AMPH: variants seen among roughly 807,000 people sequenced by gnomAD.
AMPH encodes amphiphysin (Stiff-Mann syndrome with breast cancer 128kD autoantigen).
AMPH carries 49 observed loss-of-function variants against 99.1 expected under a neutral mutation model. The ratio of observed to expected loss-of-function variants is 0.49; its 90% CI spans 0.39 to 0.63. The LOEUF is 0.63. Among genes scored for constraint, AMPH ranks in the 20% least tolerant of loss-of-function variants. The pLI is 0.00. For synonymous variants in AMPH, 314 were observed against 317.3 expected, an observed-to-expected ratio of 0.99 and a Z score of 0.11; for missense variants, 759 against 863.4, an observed-to-expected ratio of 0.88 and a Z score of 1.52.
chr7:38,457,841 TTTTAA>T (rs1787292036), intron 11 of AMPH, among the ~76,000 whole-genome samples: 3 of 152,244 alleles, frequency 2.0e-5, no homozygotes, highest in African/African-American at 7.2e-5. Context: ...TCAGTTTATC[TTTTAA>T]TTTAATCTGT....
intron 1 of AMPH, among the ~76,000 whole-genome samples, chr7:38,583,301 C>T (rs1369929788): frequency 6.6e-6 from 1 of 152,178 alleles, no homozygotes; most frequent in African/African-American, 2.4e-5. Context: ...TTCAATCTTT[C>T]AAGTAGAGAT....
At chr7:38,481,958 A>G (rs1277838882) in intron 5 of AMPH, among the ~76,000 whole-genome samples, 1 of 152,156 alleles carries the variant, frequency 6.6e-6, no homozygotes, top group African/African-American at 2.4e-5. Context: ...GATGGAGTCT[A>G]TATCTACTTC....
At chr7:38,582,229 G>A (rs1792493839) in intron 1 of AMPH, among the ~76,000 whole-genome samples, 1 of 152,176 alleles carries the variant, frequency 6.6e-6, no homozygotes, top group Non-Finnish European at 1.5e-5. Context: ...ATAGTTCAAG[G>A]ATGGGTAAAT....
intron 1 of AMPH, among the ~76,000 whole-genome samples, chr7:38,568,564 T>C (rs1043235055): frequency 1.2e-4 from 18 of 152,240 alleles, no homozygotes; most frequent in African/African-American, 4.3e-4. Context: ...TTATCACACA[T>C]GGCTGCTGAA....
intron 1 of AMPH, among the ~76,000 whole-genome samples, chr7:38,580,188 A>G (rs1453068728): frequency 6.6e-6 from 1 of 152,148 alleles, no homozygotes; most frequent in African/African-American, 2.4e-5. Flanking sequence ...TCTTCCTAAT[A>G]TTGGAGGCCA....
In AMPH at chr7:38,607,698, G is replaced by A. The variant is rs559488836; in HGVS notation, c.69+23585C>T. 1.6e-4 allele frequency among the ~76,000 whole-genome samples: 24 copies of A among 152,272 alleles called. No individual in the cohort carries two copies. The East Asian group carries it at 1.9e-3, about 12-fold the overall frequency. On this transcript the variant is annotated intron_variant, in intron 1 of 20. Transcript: ENST00000356264. ...TCTATGACTGCACAATAAAATGAAA[G>A]TGCAGGGGGTCCAGATGCTATAAGG...
chr7:38,589,407 T>A (rs762875333), intron 1 of AMPH, among the ~76,000 whole-genome samples: 2 of 152,210 alleles, frequency 1.3e-5, no homozygotes, highest in Non-Finnish European at 2.9e-5. Flanking sequence ...ATCTCAGGGT[T>A]GATGTGACTG....
At chr7:38,436,185 C>T in intron 12 of AMPH, 87 bp downstream of exon 12, 1 of 945,086 alleles carries the variant, frequency 1.1e-6, no homozygotes, top group Non-Finnish European at 1.7e-6. Flanking sequence ...AGATAGTAGT[C>T]ATGAAAGGTA....
chr7:38,386,818 T>C (rs887488550), intron 20 of AMPH, among the ~76,000 whole-genome samples: 1 of 152,170 alleles, frequency 6.6e-6, no homozygotes, highest in Non-Finnish European at 1.5e-5. Flanking sequence ...TTAGAAAGTA[T>C]TTGACCCTTG....
At chr7:38,448,336 T>C (rs1424820345) in intron 11 of AMPH, among the ~76,000 whole-genome samples, 1 of 152,246 alleles carries the variant, frequency 6.6e-6, no homozygotes, top group African/African-American at 2.4e-5. Context: ...TATTGTAGTA[T>C]ACTAGTCCTT....
intron 7 of AMPH, among the ~76,000 whole-genome samples, chr7:38,470,111 C>T (rs1178279011): frequency 6.6e-6 from 1 of 152,216 alleles, no homozygotes; most frequent in Admixed American, 6.5e-5. Context: ...GTCCTATCAA[C>T]ACCCTTCCTC....
At chr7:38,427,775 A>T (rs932285821) in intron 14 of AMPH, 5 of 390,356 alleles carry the variant, frequency 1.3e-5, no homozygotes, top group Admixed American at 3.0e-5. Flanking sequence ...GGTGACAGAC[A>T]TGAGGAAAAA....
chr7:38,467,107 C>A (rs1433853770), intron 7 of AMPH, among the ~76,000 whole-genome samples: 3 of 152,098 alleles, frequency 2.0e-5, no homozygotes, highest in African/African-American at 7.2e-5. Flanking sequence ...AGAAAATCCT[C>A]CACAGTGTGT....
At chr7:38,497,286 C>T (rs974602263) in intron 3 of AMPH, among the ~76,000 whole-genome samples, 6 of 152,024 alleles carry the variant, frequency 3.9e-5, no homozygotes, top group African/African-American at 1.4e-4. Context: ...AGAAAAGGTG[C>T]TAAATGCTAC....
intron 1 of AMPH, among the ~76,000 whole-genome samples, chr7:38,628,788 C>T (rs948883235): frequency 2.0e-5 from 3 of 152,120 alleles, no homozygotes; most frequent in Non-Finnish European, 4.4e-5. Context: ...ACATTTCAGC[C>T]TTGTGGTTTT....
At chr7:38,600,383 G>A (rs1313001733) in intron 1 of AMPH, among the ~76,000 whole-genome samples, 5 of 151,986 alleles carry the variant, frequency 3.3e-5, no homozygotes, top group Non-Finnish European at 7.4e-5. Context: ...GTATTTAATG[G>A]TGGAATCCTC....
chr7:38,417,966 T>G lies in AMPH; in HGVS notation c.1273-16A>C. On this transcript the variant is annotated splice_polypyrimidine_tract_variant and intron_variant, in intron 16 of 20. Transcript: ENST00000356264. ...CAGATTCAGCCTTGGAGTGTTTGTT[T>G]TGAGGGTTAGAGGAAAAAGATTCAA... 6.2e-7 allele frequency: 1 copy of G among 1,611,386 alleles called. No homozygotes were observed. The highest frequency in any genetic ancestry group is 8.5e-7 in the Non-Finnish European group (1 of 1,178,760).
chr7:38,418,647 T>C (rs1011625830), intron 16 of AMPH, among the ~76,000 whole-genome samples: 1 of 152,228 alleles, frequency 6.6e-6, no homozygotes, highest in Non-Finnish European at 1.5e-5. Context: ...TCCTGTTCAG[T>C]CCCTTTTTCC....
chr7:38,601,846 A>G (rs1562854863), intron 1 of AMPH, among the ~76,000 whole-genome samples: 1 of 152,160 alleles, frequency 6.6e-6, no homozygotes, highest in Admixed American at 6.6e-5. Context: ...TTTATATAAT[A>G]TTTGAGGTGA....
Sources: allele counts gnomAD v4.1 joint callset (sites outside exome capture counted in the v4.1 genomes callset), GRCh38; gene constraint gnomAD v4.1.1; transcripts MANE v1.5; gene names NCBI Gene and HGNC (gene_info 2026-07-23, HGNC 2026-07-21).